CREBBP: variants seen among roughly 807,000 people sequenced by gnomAD.
The protein encoded by CREBBP is CREB binding lysine acetyltransferase.
Under a neutral mutation model 265.0 loss-of-function variants are expected in CREBBP, and 19 were observed. That is an observed-to-expected ratio of 0.07 (90% CI 0.05 to 0.11). The LOEUF is 0.11. Among genes scored for constraint, CREBBP ranks in the 10% least tolerant of loss-of-function variants. The probability of loss-of-function intolerance (pLI) is 1.00; values close to 1 mark genes in which losing one functional copy is unlikely to be tolerated. For missense variants in CREBBP, 2,525 were observed against 3,219.0 expected, an observed-to-expected ratio of 0.78 and a Z score of 5.22; for synonymous variants, 1,457 against 1,223.7, an observed-to-expected ratio of 1.19 and a Z score of -3.98.
chr16:3,849,471 GTGTGTGTGTGTGT>G (rs1311654284), intron 2 of CREBBP, among the ~76,000 whole-genome samples: 13 of 127,280 alleles, frequency 1.0e-4, no homozygotes, highest in Non-Finnish European at 2.0e-4. Flanking sequence ...GTGTGTGTGT[GTGTGTGTGTGTGT>G]GTGTGATGTG....
chr16:3,770,538 G>A (rs2141198003), intron 14 of CREBBP, 32 bp downstream of exon 14: 1 of 1,607,142 alleles, frequency 6.2e-7, no homozygotes, highest in Non-Finnish European at 8.5e-7. Context: ...TAAGAGTCTT[G>A]GCCCAAAAAC....
intron 16 of CREBBP, among the ~76,000 whole-genome samples, chr16:3,762,361 CTTTTTTT>C (rs35125490): frequency 3.4e-5 from 4 of 118,692 alleles, no homozygotes; most frequent in East Asian, 2.3e-4. Flanking sequence ...ATTTTCTTTC[CTTTTTTT>C]TTTTTTTTTT....
intron 2 of CREBBP, among the ~76,000 whole-genome samples, chr16:3,830,778 T>C (rs1194041083): frequency 2.0e-5 from 3 of 152,132 alleles, no homozygotes; most frequent in South Asian, 2.1e-4. Flanking sequence ...CCCACAACTG[T>C]AGGATACACA....
chr16:3,837,677 T>A (rs1044582788), intron 2 of CREBBP, among the ~76,000 whole-genome samples: 1 of 150,890 alleles, frequency 6.6e-6, no homozygotes, highest in Non-Finnish European at 1.5e-5. Context: ...AAAAAGCTTA[T>A]AGAATAAGTA....
chr16:3,764,092 A>G (rs180955129), intron 16 of CREBBP, among the ~76,000 whole-genome samples: 186 of 152,244 alleles, frequency 1.2e-3, no homozygotes, highest in Non-Finnish European at 2.0e-3. Flanking sequence ...GTACAGTCAC[A>G]AGAAAAAAAA....
At chr16:3,749,768 G>T in intron 20 of CREBBP, 85 bp from the exon 21 acceptor site, 1 of 850,540 alleles carries the variant, frequency 1.2e-6, no homozygotes, top group Non-Finnish European at 1.9e-6. Flanking sequence ...ATGTTATTTT[G>T]TAACTAGTTC....
intron 3 of CREBBP, among the ~76,000 whole-genome samples, chr16:3,802,936 A>G (rs1213766278): frequency 6.6e-6 from 1 of 152,132 alleles, no homozygotes; most frequent in Non-Finnish European, 1.5e-5. Context: ...TGGCTCTGCA[A>G]TAACCACTTG....
At chr16:3,824,851 T>G (rs182315419) in intron 2 of CREBBP, among the ~76,000 whole-genome samples, 1 of 152,322 alleles carries the variant, frequency 6.6e-6, no homozygotes, top group African/African-American at 2.4e-5. Flanking sequence ...TCTCTACGCC[T>G]CAATCACTCC....
intron 19 of CREBBP, among the ~76,000 whole-genome samples, chr16:3,754,336 T>C (rs544027773): frequency 1.8e-4 from 28 of 152,296 alleles, no homozygotes; most frequent in Admixed American, 1.5e-3. Flanking sequence ...GAGTGATAGA[T>C]GTTATTGCCA....
chr16:3,731,539 C>T lies in CREBBP; in HGVS notation c.4891-66G>A, dbSNP rs2051916864. On this transcript the variant is annotated intron_variant, in intron 29 of 30. Coordinates refer to ENST00000262367, the MANE Select transcript of CREBBP (RefSeq NM_004380.3). This position sits in a 1 kb window ranked among gnomAD's most constrained non-coding sequence, Gnocchi z 7.7. ...GGCACCTCCAGTGGTGAGCTCAGGG[C>T]AGGCGCAGCCACCCAGCCTGCAGAA... is the stretch of plus-strand genomic sequence containing the variant. The T allele has an allele frequency of 6.5e-7, 1 of 1,539,536 alleles. No individual in the cohort carries two copies. The highest frequency in any genetic ancestry group is 8.8e-7 in the Non-Finnish European group (1 of 1,142,024).
chr16:3,730,312 A>T (rs969807031), intron 30 of CREBBP, among the ~76,000 whole-genome samples: 1 of 152,180 alleles, frequency 6.6e-6, no homozygotes, highest in African/African-American at 2.4e-5. Flanking sequence ...CAACTCCTGT[A>T]CTCAAACTAT....
At chr16:3,818,731 C>G (rs935962497) in intron 2 of CREBBP, among the ~76,000 whole-genome samples, 6 of 152,184 alleles carry the variant, frequency 3.9e-5, no homozygotes, top group African/African-American at 1.4e-4. Context: ...ACACAGCAGA[C>G]CACTCAGAGG....
At chr16:3,784,844 C>G (rs1223364330) in intron 5 of CREBBP, among the ~76,000 whole-genome samples, 1 of 152,258 alleles carries the variant, frequency 6.6e-6, no homozygotes. Context: ...ACGCCTCATA[C>G]TCACATAGGC....
At position 3,725,255 on chromosome 16, in the gene CREBBP, A is replaced by G. The variant is rs2051712850; in HGVS notation, c.*2463T>C. Reference sequence around the variant, plus strand: ...GCATCCACAGACCATGCTCTCGGTCACATCCTTCGACATCTGGATTGCCCA... The same window carrying G: ...GCATCCACAGACCATGCTCTCGGTCGCATCCTTCGACATCTGGATTGCCCA... On this transcript the variant is annotated 3_prime_UTR_variant, in exon 31 of 31. Coordinates refer to ENST00000262367, the MANE Select transcript of CREBBP (RefSeq NM_004380.3). 1 of 233,348 alleles carries G rather than the reference A, an allele frequency of 4.3e-6. No individual in the cohort carries two copies. Among genetic ancestry groups the G allele is most frequent in the Non-Finnish European group, 8.5e-6 (1 of 118,050 alleles). 14.5% of individuals were successfully genotyped at this position (233,348 alleles called of 1,614,324 possible).
intron 13 of CREBBP, 89 bp from the exon 14 acceptor site, chr16:3,771,075 AAT>A: frequency 1.3e-6 from 2 of 1,529,656 alleles, no homozygotes; most frequent in Non-Finnish European, 8.9e-7. Context: ...ATGAAAAAAA[AAT>A]TTTTTTTTTT....
chr16:3,781,068 A>C, intron 7 of CREBBP, 136 bp downstream of exon 7: 1 of 1,043,042 alleles, frequency 9.6e-7, no homozygotes, highest in Non-Finnish European at 1.4e-6. Flanking sequence ...TAAAGAAAAA[A>C]AGGAAAACAG....
intron 3 of CREBBP, among the ~76,000 whole-genome samples, chr16:3,805,989 A>G (rs1184227818): frequency 2.0e-5 from 3 of 152,246 alleles, no homozygotes; most frequent in African/African-American, 7.2e-5. Context: ...GAGTGACTAC[A>G]AGACACAGAT....
At chr16:3,866,877 C>G (rs1486099736) in intron 1 of CREBBP, among the ~76,000 whole-genome samples, 2 of 152,212 alleles carry the variant, frequency 1.3e-5, no homozygotes, top group African/African-American at 4.8e-5. Flanking sequence ...ACCCATCACT[C>G]TCCCTCAACT....
Position 3,728,283 on chromosome 16 carries a change from G to A in CREBBP, c.6764C>T (p.Pro2255Leu), listed in dbSNP as rs1191357764. 3 of 1,612,002 alleles carry A rather than the reference G, an allele frequency of 1.9e-6. No homozygotes were observed. Among genetic ancestry groups the A allele is most frequent in the Non-Finnish European group, 1.7e-6 (2 of 1,179,568 alleles). Reference sequence around the variant, plus strand: ...CTGGCCCATGGAGCTGCCCTGGAGGGGGAGATGCTGCTGCATGCGCTGCTG... The same window carrying A: ...CTGGCCCATGGAGCTGCCCTGGAGGAGGAGATGCTGCTGCATGCGCTGCTG... ...QQQQRMQQHLPLQGSSMGQMA... is the reference protein window; with the variant it reads ...QQQQRMQQHLLLQGSSMGQMA... Residue 2255 changes from proline to leucine, a missense_variant, in exon 31 of 31, where the codon CCC becomes CTC. Pro to Leu is a moderately conservative substitution (Grantham distance 98). This residue lies in a region of CREBBP where 473 missense variants were observed against 459.3 expected (regional missense o/e 1.03). Coordinates refer to ENST00000262367, the MANE Select transcript of CREBBP (RefSeq NM_004380.3). This position sits in a 1 kb window ranked among gnomAD's most constrained non-coding sequence, Gnocchi z 8.7.
Sources: allele counts gnomAD v4.1 joint callset (sites outside exome capture counted in the v4.1 genomes callset), GRCh38; gene constraint gnomAD v4.1.1; regional missense constraint gnomAD v4.1.1; non-coding constraint Gnocchi (gnomAD v3.1); transcripts MANE v1.5; gene names NCBI Gene and HGNC (gene_info 2026-07-23, HGNC 2026-07-21).